POU5F1: variants seen among roughly 807,000 people sequenced by gnomAD.
POU5F1 encodes the protein POU domain, class 5, transcription factor 1.
POU5F1 carries 6 observed loss-of-function variants against 38.3 expected under a neutral mutation model. The observed-to-expected ratio is 0.16, with a 90% CI of 0.09 to 0.31. POU5F1 has a LOEUF of 0.31. Ranked by LOEUF, POU5F1 falls within the 10% of genes least tolerant of loss-of-function variation. The pLI is 1.00. For synonymous variants in POU5F1, 147 were observed against 194.9 expected (o/e 0.75, Z 2.05); for missense variants, 286 against 462.6 (o/e 0.62, Z 3.50).
chr6:31,166,401 C>T, intron 1 of POU5F1: 1 of 1,379,958 alleles, frequency 7.2e-7, no homozygotes, highest in Non-Finnish European at 9.6e-7. Flanking sequence ...TGGCTCACGC[C>T]TATAATTCCA....
chr6:31,166,134 G>A (rs1270956235), intron 1 of POU5F1, 87 bp from the exon 2 acceptor site: 5 of 1,613,734 alleles, frequency 3.1e-6, no homozygotes, highest in East Asian at 4.5e-5. Flanking sequence ...AAGAACCTAC[G>A]TGTGGCCCCA....
At position 31,164,806 on chromosome 6, in the gene POU5F1, G is replaced by A. The variant is rs546320542; in HGVS notation, c.878C>T (p.Ala293Val). The change falls in exon 5 of 5, where the codon GCA (alanine) becomes GTA (valine). Residue 293 changes from alanine to valine, a missense_variant. Physicochemically the swap from Ala to Val is moderately conservative, Grantham distance 64 (BLOSUM62 0). Coordinates refer to ENST00000259915, the MANE Select transcript of POU5F1 (RefSeq NM_002701.6). ...AGCAGCCTCAAAATCCTCTCGTTGTGCATAGTCGCTGCTTGATCGCTTGCC... is the reference window on the plus strand; with the variant it reads ...AGCAGCCTCAAAATCCTCTCGTTGTACATAGTCGCTGCTTGATCGCTTGCC... ...QKGKRSSSDY[A>V]QREDFEAAGS... 32 of 1,612,828 alleles carry A rather than the reference G, an allele frequency of 2.0e-5. No individual in the cohort carries two copies. The highest frequency in any genetic ancestry group is 3.3e-5 in the South Asian group (3 of 90,872).
At chr6:31,166,166 C>A (rs3130932) in intron 1 of POU5F1, 119 bp from the exon 2 acceptor site, 1,071,678 of 1,605,810 alleles carry the variant, frequency 0.67, 359,770 homozygotes, top group African/African-American at 0.79. Flanking sequence ...GTAGAAGTGC[C>A]TCTGCCTTCC....
intron 1 of POU5F1, chr6:31,166,275 C>G (rs1777240102): frequency 1.3e-6 from 2 of 1,533,432 alleles, no homozygotes; most frequent in African/African-American, 1.4e-5. Flanking sequence ...CTACTCTTCC[C>G]CCAGAAACTG....
At position 31,165,732 on chromosome 6, in the gene POU5F1, G is replaced by C; in HGVS notation, c.527-31C>G. ...GGAGGCCAGTCAAAAGAGAAGCAAA[G>C]TGAGGGAGCACGCAGGGCCCTTGTG... On this transcript the variant is annotated intron_variant, in intron 2 of 4. Transcript: ENST00000259915. This position sits in a 1 kb window ranked among gnomAD's most constrained non-coding sequence, Gnocchi z 6.5. 6.3e-7 allele frequency: 1 copy of C among 1,594,122 alleles called. No individual in the cohort carries two copies. The highest frequency in any genetic ancestry group is 8.5e-7 in the Non-Finnish European group (1 of 1,169,632).
chr6:31,166,294 A>C, intron 1 of POU5F1: 1 of 1,520,576 alleles, frequency 6.6e-7, no homozygotes, highest in Non-Finnish European at 8.9e-7. Context: ...TGGCACATCC[A>C]AGGGATGCAG....
intron 1 of POU5F1, chr6:31,166,717 T>C: frequency 8.5e-7 from 1 of 1,175,284 alleles, no homozygotes; most frequent in Non-Finnish European, 1.1e-6. Context: ...CTCACTCAAG[T>C]ATCACCCCCA....
Position 31,165,081 on chromosome 6 carries a change from G to A in POU5F1, c.816+47C>T, listed in dbSNP as rs758009744. 2 of 1,589,592 alleles carry A rather than the reference G, an allele frequency of 1.3e-6. No homozygotes were observed. The highest frequency in any genetic ancestry group is 1.1e-5 in the South Asian group (1 of 87,822). On this transcript the variant is annotated intron_variant, in intron 4 of 4. Coordinates refer to ENST00000259915, the MANE Select transcript of POU5F1 (RefSeq NM_002701.6). The surrounding 1 kb of genome is among the most constrained non-coding windows in gnomAD (Gnocchi z 6.5). ...GAGCCAGAGCTAGGGAAAGCGAGGT[G>A]GTGACAGGGGAAAGAGATGGAGCCC...
rs763866813 is a variant in POU5F1 at position 31,170,207 on chromosome 6, C to T, written c.405+9G>A. On this transcript the variant is annotated intron_variant, in intron 1 of 4. Transcript: ENST00000259915. Reference sequence around the variant, plus strand: ...TCCCCACACCCCAACCCCGTCGAAGCTCACTTGCCTCCTCCGGGTTTTGCT... The same window carrying T: ...TCCCCACACCCCAACCCCGTCGAAGTTCACTTGCCTCCTCCGGGTTTTGCT... 3 of 1,612,906 alleles carry T rather than the reference C, an allele frequency of 1.9e-6. No homozygotes were observed. Among genetic ancestry groups the T allele is most frequent in the Non-Finnish European group, 8.5e-7 (1 of 1,179,836 alleles).
intron 1 of POU5F1, chr6:31,166,948 A>C (rs77085553): frequency 4.1e-6 from 3 of 732,744 alleles, no homozygotes; most frequent in Admixed American, 3.1e-5. Context: ...GTACTTACTC[A>C]TTTTTTAAAT....
rs1483497814 is a variant in POU5F1 at position 31,164,756 on chromosome 6, C to G, written c.928G>C (p.Val310Leu). The stretch of plus-strand genomic sequence containing the variant: ...GGCCCTGGGGCCAGAGGAAAGGACA[C>G]TGGTCCCCCTGAGAAAGGAGACCCA... The part of the protein sequence containing the change: ...AAGSPFSGGP[V>L]SFPLAPGPHF... Residue 310 changes from valine (V) to leucine (L), a missense_variant, in exon 5 of 5, where the codon GTG becomes CTG. By Grantham distance (32) the Val-to-Leu change is conservative. This residue lies in a region of POU5F1 where 110 missense variants were observed against 277.8 expected (regional missense o/e 0.40). Coordinates refer to ENST00000259915, the MANE Select transcript of POU5F1 (RefSeq NM_002701.6). 1 of 1,610,176 alleles carries G rather than the reference C, an allele frequency of 6.2e-7. No individual in the cohort carries two copies.
intron 1 of POU5F1, chr6:31,167,297 T>G (rs1014972507): frequency 4.3e-6 from 1 of 230,264 alleles, no homozygotes; most frequent in African/African-American, 2.3e-5. Context: ...GAGGCCAAGG[T>G]GGGCAGACTG....
intron 1 of POU5F1, 27 bp downstream of exon 1, chr6:31,170,189 A>C: frequency 6.2e-7 from 1 of 1,612,226 alleles, no homozygotes; most frequent in Non-Finnish European, 8.5e-7. Flanking sequence ...ACCTCCCCAC[A>C]CCCCAACCCC....
intron 1 of POU5F1, among the ~76,000 whole-genome samples, chr6:31,168,107 T>C (rs548500719): frequency 6.6e-6 from 1 of 152,098 alleles, no homozygotes; most frequent in South Asian, 2.1e-4. Context: ...GCCCGGCTAA[T>C]TTTTGTATTT....
Position 31,170,309 on chromosome 6 carries a change from C to G in POU5F1, c.312G>C (p.Glu104Asp), listed in dbSNP as rs750095390. The G allele has an allele frequency of 1.2e-6, 2 of 1,612,810 alleles. No individual in the cohort carries two copies. Among genetic ancestry groups the G allele is most frequent in the Admixed American group, 3.3e-5 (2 of 60,020 alleles). ...CCGGGGAGGCCCCATCGGAGTTGCT[C>G]TCCACCCCGACTCCTGCTTCGCCCT... ...QPEGEAGVGV[E>D]SNSDGASPEP... is the part of the protein sequence containing the mutation. The change falls in exon 1 of 5, where the codon GAG becomes GAC. Residue 104 changes from glutamate (E) to aspartate (D), a missense_variant. This residue lies in a region of POU5F1 where 176 missense variants were observed against 184.8 expected (regional missense o/e 0.95). Transcript: ENST00000259915.
intron 1 of POU5F1, among the ~76,000 whole-genome samples, chr6:31,168,975 A>G (rs17840029): frequency 0.042 from 6,438 of 152,290 alleles, 215 homozygotes; most frequent in Middle Eastern, 0.088. Flanking sequence ...GTGCTTGATC[A>G]TATCAATTTC....
In POU5F1 at chr6:31,170,502, C is replaced by T. The variant is rs764849092; in HGVS notation, c.119G>A (p.Gly40Asp). ...CCCGATTCCTGGCCCTCCAGGAGGG[C>T]CTTGGAAGCTTAGCCAGGTCCGAGG... ...VDPRTWLSFQ[G>D]PPGGPGIGPG... The change falls in exon 1 of 5, where the codon GGC (glycine) becomes GAC (aspartate). Residue 40 changes from glycine to aspartate, a missense_variant. Physicochemically the swap from Gly to Asp is moderately conservative, Grantham distance 94. Transcript: ENST00000259915. 3 of 1,595,842 alleles carry T rather than the reference C, an allele frequency of 1.9e-6. No homozygotes were observed. The highest frequency in any genetic ancestry group is 2.6e-6 in the Non-Finnish European group (3 of 1,171,982).
chr6:31,166,313 G>C (rs1777243744), intron 1 of POU5F1: 1 of 1,485,758 alleles, frequency 6.7e-7, no homozygotes, highest in Non-Finnish European at 9.0e-7. Flanking sequence ...AGAGCATCGT[G>C]AAAGGACAGA....
chr6:31,166,099 A>C lies in POU5F1; in HGVS notation c.406-52T>G, dbSNP rs1187321294. 3 of 1,614,196 alleles carry C rather than the reference A, an allele frequency of 1.9e-6. No homozygotes were observed. In the South Asian group the frequency reaches 3.3e-5, roughly 18 times the overall value. On this transcript the variant is annotated intron_variant, in intron 1 of 4. Transcript: ENST00000259915. The stretch of plus-strand genomic sequence containing the variant: ...TAAGAACATAAACACACCAGTTATC[A>C]ATCTCCCCTTTCCATTCGGGATTCA...
Sources: gnomAD v4.1 joint callset for allele counts (sites outside exome capture counted in the v4.1 genomes callset) on GRCh38, gnomAD v4.1.1 for gene constraint, gnomAD v4.1.1 regional missense constraint, Gnocchi (gnomAD v3.1) non-coding constraint, MANE v1.5 for transcripts, NCBI Gene and HGNC (gene_info 2026-07-23, HGNC 2026-07-21) for gene names.